Variants in TSPAN18 observed in about 807,000 individuals in gnomAD.
TSPAN18 encodes tetraspanin-18.
Under a neutral mutation model 27.3 loss-of-function variants are expected in TSPAN18, and 14 were observed. That is an observed-to-expected ratio of 0.51 (90% CI 0.34 to 0.80). The LOEUF is 0.80. Among genes scored for constraint, TSPAN18 ranks in the 30% least tolerant of loss-of-function variants. The probability of loss-of-function intolerance (pLI) is 0.01; values close to 1 mark genes in which losing one functional copy is unlikely to be tolerated. For synonymous variants in TSPAN18, 143 were observed against 136.5 expected, an observed-to-expected ratio of 1.05 and a Z score of -0.33; for missense variants, 268 against 323.9, an observed-to-expected ratio of 0.83 and a Z score of 1.32.
rs575004431 is a variant in TSPAN18 at position 44,815,777 on chromosome 11, T to G, written c.-152-44551T>G. ...GCTCACTGGGCAGGGGCAGCTTCTC[T>G]TGGAGGAGCGGGCAGTTGAGAGCAA... On this transcript the variant is annotated intron_variant, in intron 2 of 9. Transcript: ENST00000520358. 7.2e-5 allele frequency among the ~76,000 whole-genome samples: 11 copies of G among 152,202 alleles called. No homozygotes were observed. The South Asian group carries it at 2.3e-3, about 32-fold the overall frequency.
Position 44,892,805 on chromosome 11 carries a change from G to A in TSPAN18, c.-10-13602G>A, listed in dbSNP as rs201893748. Among the ~76,000 whole-genome samples the A allele has an allele frequency of 2.6e-5, 4 of 152,270 alleles. No individual in the cohort carries two copies. The East Asian group carries it at 7.7e-4, about 29-fold the overall frequency. On this transcript the variant is annotated intron_variant, in intron 3 of 9. Coordinates refer to ENST00000520358, the MANE Select transcript of TSPAN18 (RefSeq NM_130783.5). ...GTCCCAGCAGGTCCTCCAACCTACT[G>A]TGTGACTTCAGGCTAGTGAGCCGCA...
chr11:44,931,019 A>T lies in TSPAN18; in HGVS notation c.*1841A>T. ...TGCCCCCTTCTGAGATGCAGCCAGA[A>T]GCTCTGTGCCTGCTGCAAAGATTCA... On this transcript the variant is annotated 3_prime_UTR_variant, in exon 10 of 10. Transcript: ENST00000520358. The T allele has an allele frequency of 2.2e-6, 1 of 461,096 alleles. No individual in the cohort carries two copies. The highest frequency in any genetic ancestry group is 4.4e-6 in the Non-Finnish European group (1 of 226,198). 28.6% of individuals were successfully genotyped at this position (461,096 alleles called of 1,614,324 possible).
chr11:44,829,678 C>T (rs1398864630), intron 2 of TSPAN18, among the ~76,000 whole-genome samples: 2 of 152,106 alleles, frequency 1.3e-5, no homozygotes, highest in Non-Finnish European at 2.9e-5. Context: ...TACAAATTTT[C>T]ACCTCATTTA....
intron 1 of TSPAN18, among the ~76,000 whole-genome samples, chr11:44,743,090 TCTGC>T (rs910531353): frequency 3.3e-5 from 5 of 152,210 alleles, no homozygotes; most frequent in African/African-American, 1.2e-4. Flanking sequence ...CTGAGTCACC[TCTGC>T]CTGCCTGCCT....
intron 2 of TSPAN18, among the ~76,000 whole-genome samples, chr11:44,766,740 A>G (rs1855576309): frequency 6.6e-6 from 1 of 152,240 alleles, no homozygotes; most frequent in Non-Finnish European, 1.5e-5. Context: ...AAATATAAAG[A>G]TGACCACAAA....
chr11:44,792,303 G>A (rs1856244965), intron 2 of TSPAN18, among the ~76,000 whole-genome samples: 1 of 152,192 alleles, frequency 6.6e-6, no homozygotes, highest in African/African-American at 2.4e-5. Context: ...GAACAGCTTG[G>A]AGCATCTGCG....
chr11:44,731,633 T>TGTGTGTGAGAGAGAGAGAGAGA (rs139154582), intron 1 of TSPAN18, among the ~76,000 whole-genome samples: 7 of 107,436 alleles, frequency 6.5e-5, no homozygotes, highest in African/African-American at 2.5e-4. Flanking sequence ...TGTGTGTGTG[T>TGTGTGTGAGAGAGAGAGAGAGA]GAGAGAGAGA....
intron 3 of TSPAN18, among the ~76,000 whole-genome samples, chr11:44,872,804 C>T (rs111474540): frequency 3.3e-5 from 5 of 152,316 alleles, no homozygotes; most frequent in African/African-American, 1.2e-4. Context: ...AAGTTAATAG[C>T]ACACAGTTAA....
chr11:44,866,074 C>T (rs1021830464), intron 3 of TSPAN18, among the ~76,000 whole-genome samples: 1 of 152,242 alleles, frequency 6.6e-6, no homozygotes, highest in African/African-American at 2.4e-5. Context: ...GCAGCACAAT[C>T]GATTGTTCCT....
chr11:44,812,663 C>G (rs1283112311), intron 2 of TSPAN18, among the ~76,000 whole-genome samples: 1 of 152,076 alleles, frequency 6.6e-6, no homozygotes, highest in Admixed American at 6.5e-5. Context: ...ATCCACTGAC[C>G]CCACCCCCAA....
chr11:44,858,557 C>T (rs1857796384), intron 2 of TSPAN18, among the ~76,000 whole-genome samples: 3 of 152,192 alleles, frequency 2.0e-5, no homozygotes, highest in African/African-American at 7.2e-5. Flanking sequence ...CCCAGGACTC[C>T]TGCCTGTGGG....
chr11:44,772,906 C>T (rs1855721234), intron 2 of TSPAN18, among the ~76,000 whole-genome samples: 1 of 152,030 alleles, frequency 6.6e-6, no homozygotes, highest in Non-Finnish European at 1.5e-5. Context: ...ATCCACCTGC[C>T]TCAGCCTCCC....
At chr11:44,897,856 T>G in intron 3 of TSPAN18, 1 of 1,289,374 alleles carries the variant, frequency 7.8e-7, no homozygotes, top group Non-Finnish European at 1.0e-6. Flanking sequence ...GCCTCTCCCT[T>G]CTCAGTGTAC....
intron 3 of TSPAN18, among the ~76,000 whole-genome samples, chr11:44,896,013 C>A (rs150465097): frequency 2.3e-3 from 345 of 152,320 alleles, no homozygotes; most frequent in African/African-American, 7.8e-3. Context: ...AAACCACTCA[C>A]CTGTGTGCCC....
intron 3 of TSPAN18, among the ~76,000 whole-genome samples, chr11:44,870,502 C>T (rs560691648): frequency 2.0e-5 from 3 of 152,260 alleles, no homozygotes; most frequent in African/African-American, 4.8e-5. Flanking sequence ...AAGAAATCCT[C>T]GGTACCAATC....
At chr11:44,885,382 T>G (rs999934875) in intron 3 of TSPAN18, among the ~76,000 whole-genome samples, 1 of 152,198 alleles carries the variant, frequency 6.6e-6, no homozygotes, top group Admixed American at 6.5e-5. Context: ...AGAAATATTG[T>G]CCTGGTGCTC....
chr11:44,907,343 C>T (rs1228486225), intron 4 of TSPAN18, among the ~76,000 whole-genome samples: 2 of 152,176 alleles, frequency 1.3e-5, no homozygotes, highest in South Asian at 2.1e-4. Context: ...CAGCCAAGAC[C>T]TGGGTGAATA....
intron 2 of TSPAN18, among the ~76,000 whole-genome samples, chr11:44,812,308 C>T (rs542969383): frequency 3.3e-5 from 5 of 152,296 alleles, no homozygotes; most frequent in African/African-American, 9.6e-5. Context: ...TGAGTGCTAG[C>T]TTGTAATGTG....
chr11:44,731,631 T>A (rs56996837), intron 1 of TSPAN18, among the ~76,000 whole-genome samples: 28,118 of 59,180 alleles, frequency 0.48, 3,649 homozygotes, highest in East Asian at 0.67. Context: ...TGTGTGTGTG[T>A]GTGAGAGAGA....
Sources: gnomAD v4.1 joint callset for allele counts (sites outside exome capture counted in the v4.1 genomes callset) on GRCh38, gnomAD v4.1.1 for gene constraint, MANE v1.5 for transcripts, NCBI Gene and HGNC (gene_info 2026-07-23, HGNC 2026-07-21) for gene names.